BTN2A1: variants seen among roughly 807,000 people sequenced by gnomAD.
BTN2A1 encodes butyrophilin subfamily 2 member A1.
BTN2A1 carries 41 observed loss-of-function variants against 34.5 expected under a neutral mutation model. That is an observed-to-expected ratio of 1.19 (90% CI 0.93 to 1.54). The LOEUF is 1.54. Among genes scored for constraint, BTN2A1 ranks in the 40% most tolerant of loss-of-function variants. BTN2A1 has a pLI of 0.00. For synonymous variants in BTN2A1, 267 were observed against 258.6 expected, an observed-to-expected ratio of 1.03 and a Z score of -0.31; for missense variants, 642 against 662.0, an observed-to-expected ratio of 0.97 and a Z score of 0.33.
chr6:26,459,782 A>G lies in BTN2A1; in HGVS notation c.384A>G (p.Gln128=). 1.9e-6 allele frequency: 3 copies of G among 1,614,140 alleles called. No individual in the cohort carries two copies. In the South Asian group the frequency reaches 3.3e-5, roughly 18 times the overall value. Reference sequence around the variant, plus strand: ...ACGGCACCTACCGCTGTTACTTCCAAGAAGGCAGGTCCTACGATGAGGCCA... The same window carrying G: ...ACGGCACCTACCGCTGTTACTTCCAGGAAGGCAGGTCCTACGATGAGGCCA... ...QENGTYRCYF[Q]EGRSYDEAIL... The change falls in exon 3 of 8, where the codon CAA becomes CAG. Residue 128 remains glutamine (Q), a synonymous_variant. Coordinates refer to ENST00000312541, the MANE Select transcript of BTN2A1 (RefSeq NM_007049.5).
downstream of BTN2A1, among the ~76,000 whole-genome samples, chr6:26,471,649 A>AGAAG (rs1168494358): frequency 1.4e-5 from 2 of 147,990 alleles, no homozygotes; most frequent in South Asian, 4.2e-4. Context: ...GAAAAGAGAG[A>AGAAG]GAAGGAAGGA....
At chr6:26,473,871 T>C (rs1763492231), downstream of BTN2A1, among the ~76,000 whole-genome samples, 2 of 152,074 alleles carry the variant, frequency 1.3e-5, no homozygotes, top group South Asian at 2.1e-4. Flanking sequence ...CAATATCGTT[T>C]CAGTTTTCAT....
chr6:26,465,321 GGAGTTT>G lies in BTN2A1; in HGVS notation c.852_857del (p.Phe285_Glu286del), dbSNP rs762233124. 1.5e-5 allele frequency: 24 copies of G among 1,614,034 alleles called. No homozygotes were observed. Among genetic ancestry groups the G allele is most frequent in the Non-Finnish European group, 1.5e-5 (18 of 1,180,030 alleles). On this transcript the variant is annotated inframe_deletion, in exon 5 of 8. Coordinates refer to ENST00000312541, the MANE Select transcript of BTN2A1 (RefSeq NM_007049.5). The stretch of plus-strand genomic sequence containing the variant: ...AAAAAAAGATTCTGTCAGGGGAAAA[GGAGTTT>G]GAACGGGAAACAAGAGAAATTGCTC...
rs759601375 is a variant in BTN2A1 at position 26,469,371 on chromosome 6, C to T, written c.*822C>T. On this transcript the variant is annotated 3_prime_UTR_variant, in exon 8 of 8. Transcript: ENST00000312541. ...TTCCTGGTTTCATGATATCTTGAGA[C>T]GCCTTACAAATGATGGAGGATTCCA... 3.5e-4 allele frequency: 343 copies of T among 978,294 alleles called. No individual in the cohort carries two copies. Among genetic ancestry groups the T allele is most frequent in the Non-Finnish European group, 4.1e-4 (341 of 823,578 alleles). 60.6% of individuals were successfully genotyped at this position (978,294 alleles called of 1,614,324 possible).
rs1032265143 is a variant in BTN2A1 at position 26,469,055 on chromosome 6, G to A, written c.*506G>A. On this transcript the variant is annotated 3_prime_UTR_variant, in exon 8 of 8. Transcript: ENST00000312541. ...GCTGGGAGGGACCAAGGTTGTAAGG[G>A]TGGCTAAGTCCCACCATAACAGCTA... 50 of 1,157,820 alleles carry A rather than the reference G, an allele frequency of 4.3e-5. No homozygotes were observed. Among genetic ancestry groups the A allele is most frequent in the Non-Finnish European group, 5.4e-5 (50 of 926,910 alleles). The allele number at this position is 1,157,820 out of a possible 1,614,324, so 71.7% of individuals were successfully genotyped here.
chr6:26,459,711 A>C lies in BTN2A1; in HGVS notation c.313A>C (p.Arg105=). 1 of 1,614,180 alleles carries C rather than the reference A, an allele frequency of 6.2e-7. No homozygotes were observed. Among genetic ancestry groups the C allele is most frequent in the Non-Finnish European group, 8.5e-7 (1 of 1,180,016 alleles). ...CACCTTTGTGAGCAAAGACATCAGC[A>C]GGGGCAGCGTGGCCCTGGTCATACA... ...RTTFVSKDIS[R]GSVALVIHNI... is the part of the protein sequence containing the mutation. Residue 105 remains arginine (R), a synonymous_variant, in exon 3 of 8, where the codon AGG becomes CGG. Transcript: ENST00000312541.
rs759415702 is a variant in BTN2A1 at position 26,468,219 on chromosome 6, G to A, written c.1254G>A (p.Gln418=). ...ERKGEVLLIP[Q]NGFWTLEMHK... is the part of the protein sequence containing the mutation. Reference sequence around the variant, plus strand: ...AAGGGGAGGTCCTGCTGATTCCTCAGAATGGCTTCTGGACCTTGGAGATGC... The same window carrying A: ...AAGGGGAGGTCCTGCTGATTCCTCAAAATGGCTTCTGGACCTTGGAGATGC... The change falls in exon 8 of 8, where the codon CAG becomes CAA. Residue 418 remains glutamine (Q), a synonymous_variant. Transcript: ENST00000312541. 1.1e-5 allele frequency: 18 copies of A among 1,614,118 alleles called. No individual in the cohort carries two copies.
At chr6:26,470,316 C>T (rs1410131419), downstream of BTN2A1, among the ~76,000 whole-genome samples, 1 of 152,140 alleles carries the variant, frequency 6.6e-6, no homozygotes, top group African/African-American at 2.4e-5. Context: ...TGCTTCACTC[C>T]AGCCTGGGTG....
downstream of BTN2A1, among the ~76,000 whole-genome samples, chr6:26,473,922 A>C (rs2113872199): frequency 6.6e-6 from 1 of 152,336 alleles, no homozygotes; most frequent in East Asian, 1.9e-4. Context: ...AACTGATGAG[A>C]AATGGTACCT....
rs1169429153 is a variant in BTN2A1 at position 26,469,300 on chromosome 6, T to TC, written c.*752dup. On this transcript the variant is annotated 3_prime_UTR_variant, in exon 8 of 8. Coordinates refer to ENST00000312541, the MANE Select transcript of BTN2A1 (RefSeq NM_007049.5). Reference sequence around the variant, plus strand: ...CTGAGCCAAGGAGTAATGGACCAGATCTACCTCAGTATTCAAGTTCAGTGG... The same window carrying TC: ...CTGAGCCAAGGAGTAATGGACCAGATCCTACCTCAGTATTCAAGTTCAGTGG... The TC allele has an allele frequency of 5.0e-6, 5 of 990,354 alleles. No individual in the cohort carries two copies. Among genetic ancestry groups the TC allele is most frequent in the Non-Finnish European group, 6.0e-6 (5 of 832,848 alleles). The allele number at this position is 990,354 out of a possible 1,614,324, so 61.3% of individuals were successfully genotyped here.
chr6:26,476,432 C>T (rs1296081903), exon 8 of BTN2A1: 1 of 672,300 alleles, frequency 1.5e-6, no homozygotes, highest in Non-Finnish European at 2.8e-6. Context: ...TCATTCTTCT[C>T]CAGCTGCCCA....
rs780893691 is a variant in BTN2A1, at chr6:26,467,724, C to A, written c.983-224C>A. The A allele has an allele frequency of 1.1e-5, 17 of 1,591,424 alleles. No homozygotes were observed. The African/African-American group carries it at 2.3e-4, about 21-fold the overall frequency. On this transcript the variant is annotated intron_variant, in intron 7 of 7. Transcript: ENST00000312541. ...AAACTTTCCGGATTTCTTAGAGCTC[C>A]AATTCTTCTCAAACTGAGAGAACTG...
rs1763381721 is a variant in BTN2A1 at position 26,468,424 on chromosome 6, T to C, written c.1459T>C (p.Phe487Leu). 6.2e-7 allele frequency: 1 copy of C among 1,614,076 alleles called. No homozygotes were observed. The highest frequency in any genetic ancestry group is 8.5e-7 in the Non-Finnish European group (1 of 1,180,016). The change falls in exon 8 of 8, where the codon TTC (phenylalanine) becomes CTC (leucine). Residue 487 changes from phenylalanine to leucine, a missense_variant. By Grantham distance (22) the Phe-to-Leu change is conservative. Transcript: ENST00000312541. ...RSAFSVPVRP[F>L]FRLGCEDSPI... ...AGCCTTTTCCGTGCCTGTGAGGCCC[T>C]TCTTCAGGTTGGGGTGTGAGGACAG...
intron 7 of BTN2A1, 141 bp downstream of exon 7, chr6:26,466,229 A>C: frequency 3.2e-6 from 4 of 1,253,028 alleles, no homozygotes; most frequent in Non-Finnish European, 4.7e-6. Flanking sequence ...ACAGTGTCCC[A>C]GCAATGATGC....
chr6:26,461,427 T>G (rs896942058), intron 3 of BTN2A1, among the ~76,000 whole-genome samples: 1 of 152,260 alleles, frequency 6.6e-6, no homozygotes, highest in African/African-American at 2.4e-5. Context: ...TGCTGAGTTA[T>G]TTTAATTCTT....
Position 26,468,733 on chromosome 6 carries a change from G to A in BTN2A1, c.*184G>A. On this transcript the variant is annotated 3_prime_UTR_variant, in exon 8 of 8. Coordinates refer to ENST00000312541, the MANE Select transcript of BTN2A1 (RefSeq NM_007049.5). ...AGTTTTCTCCTCCTCACTAGGCTGT[G>A]TTTTTAGTAGTTCCTTTGCTTGTAA... is the stretch of plus-strand genomic sequence containing the variant. 1 of 1,611,954 alleles carries A rather than the reference G, an allele frequency of 6.2e-7. No individual in the cohort carries two copies. Among genetic ancestry groups the A allele is most frequent in the Non-Finnish European group, 8.5e-7 (1 of 1,179,218 alleles).
Position 26,463,347 on chromosome 6 carries a change from G to C in BTN2A1, c.534G>C (p.Trp178Cys), listed in dbSNP as rs13195402. The change falls in exon 4 of 8, where the codon TGG becomes TGC. Residue 178 changes from tryptophan (W) to cysteine (C), a missense_variant. By Grantham distance (215) the Trp-to-Cys change is radical. Transcript: ENST00000312541. The part of the protein sequence containing the change: ...RGWYPKPLTV[W>C]RDPYGGVAPA... ...GGTACCCAAAGCCCCTCACAGTGTG[G>C]AGGGACCCCTACGGTGGGGTTGCGC... is the stretch of plus-strand genomic sequence containing the variant. The C allele has an allele frequency of 1.2e-6, 2 of 1,613,964 alleles. No individual in the cohort carries two copies. Among genetic ancestry groups the C allele is most frequent in the Non-Finnish European group, 1.7e-6 (2 of 1,179,960 alleles).
rs771074201 is a variant in BTN2A1, at chr6:26,468,768, G to A, written c.*219G>A. 6.2e-7 allele frequency: 1 copy of A among 1,605,392 alleles called. No homozygotes were observed. The highest frequency in any genetic ancestry group is 1.1e-5 in the South Asian group (1 of 90,182). Reference sequence around the variant, plus strand: ...GTTCCTTTGCTTGTAACTATGGGATGGGATCCAGGCATAGGGAACTAGTTG... The same window carrying A: ...GTTCCTTTGCTTGTAACTATGGGATAGGATCCAGGCATAGGGAACTAGTTG... On this transcript the variant is annotated 3_prime_UTR_variant, in exon 8 of 8. Transcript: ENST00000312541.
At chr6:26,467,420 T>C in intron 7 of BTN2A1, among the ~76,000 whole-genome samples, 1 of 152,212 alleles carries the variant, frequency 6.6e-6, no homozygotes, top group Non-Finnish European at 1.5e-5. Context: ...CAAGCAATTC[T>C]CGTGCCTCAG....
Sources: gnomAD v4.1 joint callset for allele counts (sites outside exome capture counted in the v4.1 genomes callset) on GRCh38, gnomAD v4.1.1 for gene constraint, MANE v1.5 for transcripts, NCBI Gene and HGNC (gene_info 2026-07-23, HGNC 2026-07-21) for gene names.